The following LRRTM4 variants were observed in gnomAD, a reference collection of about 807,000 sequenced individuals.
LRRTM4 encodes the protein leucine rich repeat transmembrane neuronal 4, also known as leucine-rich repeat transmembrane neuronal protein 4.
A neutral mutation model predicts 47.6 loss-of-function variants in LRRTM4; 25 were observed. The observed-to-expected ratio is 0.53, with a 90% CI of 0.38 to 0.73. LRRTM4 has a LOEUF of 0.73. Among genes scored for constraint, LRRTM4 ranks in the 30% least tolerant of loss-of-function variants. LRRTM4 has a pLI of 0.00. For missense variants in LRRTM4, 638 were observed against 713.4 expected (o/e 0.89, Z 1.20); for synonymous variants, 311 against 269.5 (o/e 1.15, Z -1.51).
intron 3 of LRRTM4, among the ~76,000 whole-genome samples, chr2:77,241,806 G>A (rs1256454786): frequency 1.3e-5 from 2 of 151,928 alleles, no homozygotes; most frequent in African/African-American, 2.4e-5. Flanking sequence ...TAGCACTTAT[G>A]TTTAGATCTT....
chr2:76,928,853 G>A (rs184399004), intron 3 of LRRTM4, among the ~76,000 whole-genome samples: 142 of 152,238 alleles, frequency 9.3e-4, no homozygotes, highest in Non-Finnish European at 1.7e-3. Context: ...AGAATGTGAT[G>A]TAGTCAACTT....
intron 3 of LRRTM4, among the ~76,000 whole-genome samples, chr2:77,008,313 T>C (rs1677736213): frequency 6.6e-6 from 1 of 152,186 alleles, no homozygotes; most frequent in Admixed American, 6.6e-5. Context: ...CTAACCTTTA[T>C]TTCTCTGATA....
chr2:77,150,619 C>T (rs1672391634), intron 3 of LRRTM4, among the ~76,000 whole-genome samples: 1 of 152,058 alleles, frequency 6.6e-6, no homozygotes, highest in South Asian at 2.1e-4. Context: ...GATATATATT[C>T]ACACATATAT....
At chr2:77,141,389 C>G (rs1179594115) in intron 3 of LRRTM4, among the ~76,000 whole-genome samples, 1 of 148,482 alleles carries the variant, frequency 6.7e-6, no homozygotes, top group Non-Finnish European at 1.5e-5. Flanking sequence ...CCAAACACTG[C>G]GTGTTCTCAC....
intron 3 of LRRTM4, among the ~76,000 whole-genome samples, chr2:76,954,842 G>C (rs1022241344): frequency 6.6e-6 from 1 of 151,724 alleles, no homozygotes; most frequent in Non-Finnish European, 1.5e-5. Context: ...ATATTCATAA[G>C]ACTATCAGTG....
intron 3 of LRRTM4, among the ~76,000 whole-genome samples, chr2:76,794,896 G>T (rs942977499): frequency 4.6e-5 from 7 of 152,076 alleles, no homozygotes; most frequent in Admixed American, 4.6e-4. Flanking sequence ...AACCACAGTT[G>T]TAGAAAAATT....
chr2:77,495,085 T>C (rs1369571639), intron 3 of LRRTM4, among the ~76,000 whole-genome samples: 1 of 152,134 alleles, frequency 6.6e-6, no homozygotes, highest in African/African-American at 2.4e-5. Context: ...TAGTTGGATA[T>C]TGCAAATAAT....
chr2:77,433,880 T>C (rs1318355661), intron 3 of LRRTM4, among the ~76,000 whole-genome samples: 1 of 152,098 alleles, frequency 6.6e-6, no homozygotes, highest in Non-Finnish European at 1.5e-5. Flanking sequence ...ATTAATTCTG[T>C]TTAGGAATAG....
At chr2:76,805,242 A>G (rs76705825) in intron 3 of LRRTM4, among the ~76,000 whole-genome samples, 2 of 152,112 alleles carry the variant, frequency 1.3e-5, no homozygotes, top group African/African-American at 4.8e-5. Context: ...TTGTGTACAA[A>G]CATCCCAATT....
intron 3 of LRRTM4, among the ~76,000 whole-genome samples, chr2:76,974,158 ATAT>A (rs1676319382): frequency 1.6e-5 from 1 of 60,878 alleles, no homozygotes; most frequent in African/African-American, 1.4e-4. Context: ...ATACATACAT[ATAT>A]ATATATACAT....
intron 3 of LRRTM4, among the ~76,000 whole-genome samples, chr2:77,102,149 T>C (rs1203598790): frequency 2.0e-5 from 3 of 152,140 alleles, no homozygotes; most frequent in African/African-American, 7.2e-5. Flanking sequence ...TTTCTGACAA[T>C]TGGAATACTA....
intron 3 of LRRTM4, among the ~76,000 whole-genome samples, chr2:77,452,756 A>G (rs1676309088): frequency 6.6e-6 from 1 of 152,214 alleles, no homozygotes; most frequent in South Asian, 2.1e-4. Context: ...ATACTCAAGA[A>G]TAGAAAGAGA....
At chr2:76,938,136 T>A (rs967557681) in intron 3 of LRRTM4, among the ~76,000 whole-genome samples, 2 of 152,150 alleles carry the variant, frequency 1.3e-5, no homozygotes, top group Non-Finnish European at 2.9e-5. Context: ...TGATTGGTAG[T>A]TGCACATTAT....
At chr2:77,029,808 A>G (rs1029226027) in intron 3 of LRRTM4, among the ~76,000 whole-genome samples, 1 of 152,200 alleles carries the variant, frequency 6.6e-6, no homozygotes, top group Non-Finnish European at 1.5e-5. Flanking sequence ...AAAAGGAATC[A>G]TCATCTACCC....
In LRRTM4 at chr2:76,748,436, A is replaced by G. The variant is rs1003380616; in HGVS notation, c.*259T>C. ...TTTATAAGAACTTGACACTCTTACT[A>G]TTTACATCCGGGAGCATTTTTGTTT... On this transcript the variant is annotated 3_prime_UTR_variant, in exon 4 of 4. Transcript: ENST00000409884. The G allele has an allele frequency of 1.0e-5, 5 of 497,004 alleles. No individual in the cohort carries two copies. Among genetic ancestry groups the G allele is most frequent in the Non-Finnish European group, 1.4e-5 (4 of 277,906 alleles). 30.8% of individuals were successfully genotyped at this position (497,004 alleles called of 1,614,324 possible).
intron 3 of LRRTM4, among the ~76,000 whole-genome samples, chr2:77,413,231 A>G (rs1324600679): frequency 6.6e-6 from 1 of 152,076 alleles, no homozygotes; most frequent in East Asian, 1.9e-4. Context: ...CTAAAACGAA[A>G]TTTGTTGCTT....
chr2:77,090,195 C>T (rs985764003), intron 3 of LRRTM4, among the ~76,000 whole-genome samples: 1 of 152,118 alleles, frequency 6.6e-6, no homozygotes, highest in Admixed American at 6.5e-5. Context: ...CCCCGTCCTG[C>T]CCAGCAATTT....
chr2:77,485,591 G>C (rs1028272685), intron 3 of LRRTM4, among the ~76,000 whole-genome samples: 1 of 152,184 alleles, frequency 6.6e-6, no homozygotes, highest in Non-Finnish European at 1.5e-5. Flanking sequence ...GATGTTGCTA[G>C]GAAAATAAAA....
chr2:77,335,626 A>C (rs1671135445), intron 3 of LRRTM4, among the ~76,000 whole-genome samples: 2 of 152,138 alleles, frequency 1.3e-5, no homozygotes, highest in Non-Finnish European at 2.9e-5. Flanking sequence ...TAATTTGCTT[A>C]TTTTATTTGT....
Sources: allele counts gnomAD v4.1 joint callset (sites outside exome capture counted in the v4.1 genomes callset), GRCh38; gene constraint gnomAD v4.1.1; transcripts MANE v1.5; gene names NCBI Gene and HGNC (gene_info 2026-07-23, HGNC 2026-07-21).